The following RELL1 variants were observed in gnomAD, a reference collection of about 807,000 sequenced individuals.
RELL1 encodes RELT-like protein 1.
A neutral mutation model predicts 23.0 loss-of-function variants in RELL1; 10 were observed. The ratio of observed to expected loss-of-function variants is 0.43; its 90% confidence interval spans 0.27 to 0.74. RELL1 has a LOEUF of 0.74. Ranked by LOEUF, RELL1 falls within the 30% of genes least tolerant of loss-of-function variation. The probability of loss-of-function intolerance (pLI) is 0.19; values close to 1 mark genes in which losing one functional copy is unlikely to be tolerated. For synonymous variants in RELL1, 146 were observed against 146.8 expected (o/e 0.99, Z 0.04); for missense variants, 315 against 364.4 (o/e 0.86, Z 1.10).
intron 6 of RELL1, among the ~76,000 whole-genome samples, chr4:37,600,269 CAAAA>C (rs33929317): frequency 9.0e-6 from 1 of 111,402 alleles, no homozygotes. Flanking sequence ...GACTCCATCT[CAAAA>C]AAAAAAAAAA....
At chr4:37,675,645 G>A (rs1722004056) in intron 1 of RELL1, among the ~76,000 whole-genome samples, 1 of 152,236 alleles carries the variant, frequency 6.6e-6, no homozygotes. Context: ...CTTGTGGACA[G>A]TGTATTCACA....
intron 6 of RELL1, among the ~76,000 whole-genome samples, chr4:37,619,392 A>T (rs2109241454): frequency 6.7e-6 from 1 of 148,906 alleles, no homozygotes; most frequent in Non-Finnish European, 1.5e-5. Context: ...CATATTGGCC[A>T]GGGTGGTCTT....
intron 1 of RELL1, among the ~76,000 whole-genome samples, chr4:37,657,422 G>A (rs1395025608): frequency 6.6e-6 from 1 of 152,152 alleles, no homozygotes; most frequent in Non-Finnish European, 1.5e-5. Context: ...TTTGTTTGGG[G>A]TTTATTTTTT....
At chr4:37,598,037 T>C (rs1718912964) in intron 6 of RELL1, among the ~76,000 whole-genome samples, 3 of 144,070 alleles carry the variant, frequency 2.1e-5, no homozygotes, top group Admixed American at 1.4e-4. Context: ...CATATATATA[T>C]ACACATATAT....
intron 1 of RELL1, among the ~76,000 whole-genome samples, chr4:37,679,491 A>C (rs1247097683): frequency 6.6e-6 from 1 of 152,216 alleles, no homozygotes; most frequent in African/African-American, 2.4e-5. Flanking sequence ...CAGGACCATA[A>C]TCCCTTATCT....
downstream of RELL1, among the ~76,000 whole-genome samples, chr4:37,586,436 G>A (rs2973274): frequency 0.94 from 142,448 of 152,276 alleles, 66,830 homozygotes; most frequent in Middle Eastern, 0.98. Context: ...GGTGGAGCAC[G>A]GTAAGGAAAG....
downstream of RELL1, among the ~76,000 whole-genome samples, chr4:37,606,720 G>T (rs1719233257): frequency 6.6e-6 from 1 of 152,218 alleles, no homozygotes; most frequent in Non-Finnish European, 1.5e-5. The surrounding 1 kb of genome is among the most constrained non-coding windows in gnomAD (Gnocchi z 4.1). Context: ...GACTGTGAAA[G>T]AATACACTTC....
intron 5 of RELL1, among the ~76,000 whole-genome samples, chr4:37,633,357 C>T (rs1203161734): frequency 3.8e-5 from 5 of 133,144 alleles, no homozygotes; most frequent in South Asian, 2.5e-4. Context: ...TGCAGTGAGC[C>T]GAGTTCACAC....
Position 37,679,484 on chromosome 4 carries a change from G to A in RELL1, c.88+6716C>T, listed in dbSNP as rs189352958. On this transcript the variant is annotated intron_variant, in intron 1 of 6. Coordinates refer to ENST00000454158, the MANE Select transcript of RELL1 (RefSeq NM_001085400.2). ...ATGAGTCACAGAAGCGAAAATGCAG[G>A]ACCATAATCCCTTATCTGAAAACCT... 6.6e-5 allele frequency among the ~76,000 whole-genome samples: 10 copies of A among 152,278 alleles called. No homozygotes were observed. The South Asian group carries it at 1.9e-3, about 28-fold the overall frequency.
intron 6 of RELL1, among the ~76,000 whole-genome samples, chr4:37,602,221 CAAA>C (rs11410477): frequency 3.1e-5 from 3 of 96,688 alleles, no homozygotes; most frequent in Admixed American, 1.1e-4. Flanking sequence ...TGTCTCAAAC[CAAA>C]AAAAAAAAAA....
intron 6 of RELL1, among the ~76,000 whole-genome samples, chr4:37,595,283 C>T (rs931060827): frequency 9.9e-5 from 15 of 152,196 alleles, no homozygotes; most frequent in African/African-American, 3.4e-4. Flanking sequence ...CTGAAGCACT[C>T]CCAGCCACTT....
chr4:37,652,073 A>G (rs938985078), intron 1 of RELL1, among the ~76,000 whole-genome samples: 2 of 152,234 alleles, frequency 1.3e-5, no homozygotes, highest in Non-Finnish European at 2.9e-5. Flanking sequence ...AAACTCCTGC[A>G]TCATAATGAT....
At chr4:37,630,883 T>C (rs545951821) in intron 6 of RELL1, among the ~76,000 whole-genome samples, 1 of 151,964 alleles carries the variant, frequency 6.6e-6, no homozygotes, top group African/African-American at 2.4e-5. Flanking sequence ...CTTTTTCAAG[T>C]CACAGTTTAC....
intron 1 of RELL1, among the ~76,000 whole-genome samples, chr4:37,683,891 C>T (rs1251805367): frequency 6.6e-6 from 1 of 151,658 alleles, no homozygotes; most frequent in African/African-American, 2.4e-5. Flanking sequence ...ACCATCCTGG[C>T]TAACACGGTG....
intron 4 of RELL1, among the ~76,000 whole-genome samples, chr4:37,638,204 G>T (rs1720400125): frequency 6.6e-6 from 1 of 152,216 alleles, no homozygotes. Flanking sequence ...ATTATGGGTT[G>T]TCACACCTTG....
intron 3 of RELL1, among the ~76,000 whole-genome samples, chr4:37,640,902 G>A (rs1720509491): frequency 1.3e-5 from 2 of 152,044 alleles, no homozygotes; most frequent in East Asian, 1.9e-4. Flanking sequence ...AAAAAAGAGG[G>A]AAAACAACAC....
intron 1 of RELL1, among the ~76,000 whole-genome samples, chr4:37,668,739 C>T (rs1163813169): frequency 6.7e-6 from 1 of 149,470 alleles, no homozygotes; most frequent in African/African-American, 2.5e-5. Context: ...AGGAGCATCT[C>T]TGCCCGGCCG....
rs1175487845 is a variant in RELL1 at position 37,612,307 on chromosome 4, C to T, written c.*1039G>A. Among the ~76,000 whole-genome samples, 2 of 139,132 alleles carry T rather than the reference C, an allele frequency of 1.4e-5. No individual in the cohort carries two copies. The highest frequency in any genetic ancestry group is 2.1e-4 in the East Asian group (1 of 4,858). The allele number at this position is 139,132 out of a possible 152,430, so 91.3% of individuals were successfully genotyped here. The stretch of plus-strand genomic sequence containing the variant: ...TTTATTCAATGGATTAACCAAGAAT[C>T]GCTCAGCTAAAGGTTAAAAAAAAAA... On this transcript the variant is annotated 3_prime_UTR_variant, in exon 7 of 7. Transcript: ENST00000454158.
chr4:37,595,013 G>T (rs1048058084), intron 6 of RELL1, among the ~76,000 whole-genome samples: 7 of 152,140 alleles, frequency 4.6e-5, no homozygotes, highest in African/African-American at 1.7e-4. Context: ...ACACAACCAG[G>T]CTTTATGACG....
Sources: gnomAD v4.1 joint callset for allele counts (sites outside exome capture counted in the v4.1 genomes callset) on GRCh38, gnomAD v4.1.1 for gene constraint, Gnocchi (gnomAD v3.1) non-coding constraint, MANE v1.5 for transcripts, NCBI Gene and HGNC (gene_info 2026-07-23, HGNC 2026-07-21) for gene names.